Variants in WDR41 observed in about 807,000 individuals in gnomAD.
WDR41 encodes the protein WD repeat domain 41.
In WDR41, 63 loss-of-function variants were observed where a neutral mutation model predicts 69.3. The ratio of observed to expected loss-of-function variants is 0.91; its 90% CI spans 0.74 to 1.12. WDR41 has a LOEUF of 1.12. WDR41 is among the 50% of genes most tolerant of loss of function. WDR41 has a pLI of 0.00. For missense variants in WDR41, 543 were observed against 534.5 expected (o/e 1.02, Z -0.16); for synonymous variants, 185 against 192.1 (o/e 0.96, Z 0.31).
intron 2 of WDR41, among the ~76,000 whole-genome samples, chr5:77,470,588 A>G (rs1483906809): frequency 6.6e-6 from 1 of 152,184 alleles, no homozygotes; most frequent in Non-Finnish European, 1.5e-5. Context: ...AGGAAGATCT[A>G]CCAAGCAAAT....
At chr5:77,597,226 G>GA (rs1580041824) in intron 1 of WDR41, among the ~76,000 whole-genome samples, 1 of 152,144 alleles carries the variant, frequency 6.6e-6, no homozygotes, top group East Asian at 1.9e-4. Context: ...CACTCTTTGA[G>GA]AACCACTGCT....
At chr5:77,457,455 C>G (rs915958117) in intron 5 of WDR41, among the ~76,000 whole-genome samples, 35 of 151,920 alleles carry the variant, frequency 2.3e-4, no homozygotes, top group Admixed American at 6.6e-4. Context: ...TCCAATCATC[C>G]ATTTATAAAA....
intron 1 of WDR41, among the ~76,000 whole-genome samples, chr5:77,548,754 T>G (rs1485259987): frequency 6.6e-6 from 1 of 152,186 alleles, no homozygotes; most frequent in African/African-American, 2.4e-5. Flanking sequence ...GAACTACCAT[T>G]TGATCCAGCA....
intron 1 of WDR41, among the ~76,000 whole-genome samples, chr5:77,611,170 C>T (rs1744541651): frequency 6.6e-6 from 1 of 151,770 alleles, no homozygotes; most frequent in Non-Finnish European, 1.5e-5. Context: ...TCCTGAGTGA[C>T]CTACAAAGAG....
At chr5:77,616,532 G>A (rs1251710606) in intron 1 of WDR41, among the ~76,000 whole-genome samples, 2 of 152,202 alleles carry the variant, frequency 1.3e-5, no homozygotes, top group East Asian at 1.9e-4. Context: ...TGGACAAGCT[G>A]TAAGTGGTAA....
chr5:77,607,818 CTT>C (rs1417305323), intron 1 of WDR41, among the ~76,000 whole-genome samples: 1 of 152,122 alleles, frequency 6.6e-6, no homozygotes, highest in Non-Finnish European at 1.5e-5. Flanking sequence ...TTTTTGCTGA[CTT>C]TGTATACATT....
At chr5:77,540,172 G>T (rs1289820470) in intron 1 of WDR41, among the ~76,000 whole-genome samples, 1 of 152,174 alleles carries the variant, frequency 6.6e-6, no homozygotes, top group Non-Finnish European at 1.5e-5. Context: ...AAGCGAGAGG[G>T]TGTCAAATGT....
intron 2 of WDR41, among the ~76,000 whole-genome samples, chr5:77,476,567 C>T (rs1800942901): frequency 6.6e-6 from 1 of 150,810 alleles, no homozygotes; most frequent in African/African-American, 2.4e-5. Context: ...CATATCCAGC[C>T]AAACTAAGCT....
chr5:77,607,961 T>C (rs935570754), intron 1 of WDR41, among the ~76,000 whole-genome samples: 4 of 152,196 alleles, frequency 2.6e-5, no homozygotes, highest in Non-Finnish European at 5.9e-5. Context: ...TGGTAAAATA[T>C]GCATAAAATA....
chr5:77,595,390 A>G (rs1029985581), intron 1 of WDR41, among the ~76,000 whole-genome samples: 1 of 152,206 alleles, frequency 6.6e-6, no homozygotes, highest in African/African-American at 2.4e-5. Context: ...GCAGGACTCC[A>G]GTAACAGTTA....
chr5:77,560,147 G>C (rs1333973431), intron 1 of WDR41, among the ~76,000 whole-genome samples: 1 of 152,068 alleles, frequency 6.6e-6, no homozygotes, highest in African/African-American at 2.4e-5. Flanking sequence ...TCATCTGTTA[G>C]GTTGTATAAA....
At chr5:77,616,598 T>C (rs1397498274) in intron 1 of WDR41, among the ~76,000 whole-genome samples, 1 of 152,210 alleles carries the variant, frequency 6.6e-6, no homozygotes, top group Non-Finnish European at 1.5e-5. Context: ...TTAGTGTGCA[T>C]GTATGTGTGT....
At chr5:77,554,131 C>G (rs1743348065) in intron 1 of WDR41, among the ~76,000 whole-genome samples, 1 of 152,142 alleles carries the variant, frequency 6.6e-6, no homozygotes, top group African/African-American at 2.4e-5. Flanking sequence ...TTGGATGTCT[C>G]TAGGGAATTC....
chr5:77,517,470 A>T lies in WDR41; in HGVS notation c.43-27898T>A, dbSNP rs183052676. On this transcript the variant is annotated intron_variant, in intron 1 of 5. Transcript: ENST00000509971. ...TAAATGCCCCTGCTGCAGCTAGACC[A>T]TGCTTAGTTCTCTGAACATGTGCAT... Among the ~76,000 whole-genome samples, 105 of 152,274 alleles carry T rather than the reference A, an allele frequency of 6.9e-4. 2 individuals carry two copies. The East Asian group carries it at 0.019, about 28-fold the overall frequency.
In WDR41 at chr5:77,572,286, C is replaced by G. The variant is rs183168276; in HGVS notation, c.42+48193G>C. 1.9e-4 allele frequency among the ~76,000 whole-genome samples: 29 copies of G among 152,306 alleles called. No individual in the cohort carries two copies. The East Asian group carries it at 5.2e-3, about 27-fold the overall frequency. On this transcript the variant is annotated intron_variant, in intron 1 of 5. Transcript: ENST00000509971. Reference sequence around the variant, plus strand: ...AAAAGTACTCAGAAATTAAGAGACACAGCAGGAAGTGGCAATGCTGAAACT... The same window carrying G: ...AAAAGTACTCAGAAATTAAGAGACAGAGCAGGAAGTGGCAATGCTGAAACT...
At chr5:77,515,175 T>C (rs1047204090) in intron 1 of WDR41, among the ~76,000 whole-genome samples, 1 of 152,194 alleles carries the variant, frequency 6.6e-6, no homozygotes, top group African/African-American at 2.4e-5. Flanking sequence ...TTAAAACATA[T>C]GTTTTACAAC....
At chr5:77,495,805 A>AC (rs34880636), upstream of WDR41, among the ~76,000 whole-genome samples, 84,557 of 151,754 alleles carry the variant, frequency 0.56, 25,229 homozygotes, top group African/African-American at 0.78. Context: ...CCAGAAAAAA[A>AC]ATCACAAAAA....
At chr5:77,484,459 A>C (rs1801420220) in intron 2 of WDR41, among the ~76,000 whole-genome samples, 1 of 152,182 alleles carries the variant, frequency 6.6e-6, no homozygotes, top group Non-Finnish European at 1.5e-5. Flanking sequence ...TTACTATAAT[A>C]AAGTTGTCTA....
chr5:77,482,243 G>A (rs1157561729), intron 2 of WDR41, among the ~76,000 whole-genome samples: 1 of 152,102 alleles, frequency 6.6e-6, no homozygotes, highest in Non-Finnish European at 1.5e-5. Context: ...CATTTTGTCA[G>A]TATTTCAGAA....
Sources: gnomAD v4.1 joint callset for allele counts (sites outside exome capture counted in the v4.1 genomes callset) on GRCh38, gnomAD v4.1.1 for gene constraint, MANE v1.5 for transcripts, NCBI Gene and HGNC (gene_info 2026-07-23, HGNC 2026-07-21) for gene names.